FGG: variants seen among roughly 807,000 people sequenced by gnomAD.
The protein encoded by FGG is fibrinogen gamma chain, also known as fibrinogen, gamma polypeptide.
In FGG, 20 loss-of-function variants were observed where a neutral mutation model predicts 51.7. The observed-to-expected ratio is 0.39, with a 90% CI of 0.27 to 0.56. The LOEUF is 0.56. FGG is among the 20% of genes least tolerant of loss of function. FGG has a pLI of 0.64. For synonymous variants in FGG, 184 were observed against 184.7 expected (o/e 1.00, Z 0.03); for missense variants, 460 against 534.2 (o/e 0.86, Z 1.37).
At chr4:154,604,145 G>T (rs1731050832), downstream of FGG, 1 of 454,974 alleles carries the variant, frequency 2.2e-6, no homozygotes, top group Non-Finnish European at 3.9e-6. Flanking sequence ...CTAGTCTTAG[G>T]AAACAAAAGG....
At chr4:154,607,919 A>C (rs1385599591) in intron 7 of FGG, among the ~76,000 whole-genome samples, 1 of 152,190 alleles carries the variant, frequency 6.6e-6, no homozygotes, top group East Asian at 1.9e-4. Flanking sequence ...TAGATCATCA[A>C]AAGAGCTAGC....
At chr4:154,608,106 G>C (rs191024340) in intron 7 of FGG, among the ~76,000 whole-genome samples, 2 of 152,250 alleles carry the variant, frequency 1.3e-5, no homozygotes, top group East Asian at 3.9e-4. Flanking sequence ...ATGTGACTTT[G>C]AGCAAGTTAA....
At position 154,604,419 on chromosome 4, in the gene FGG, G is replaced by T. The variant is rs1253265698; in HGVS notation, c.*415C>A. 1 of 1,345,106 alleles carries T rather than the reference G, an allele frequency of 7.4e-7. No individual in the cohort carries two copies. Among genetic ancestry groups the T allele is most frequent in the African/African-American group, 1.5e-5 (1 of 65,376 alleles). The allele number at this position is 1,345,106 out of a possible 1,614,324, so 83.3% of individuals were successfully genotyped here. ...CATAATTTTCTCCATTTAAAAAGAA[G>T]AATTAAATAGGAATGATTTAGGGGT... On this transcript the variant is annotated 3_prime_UTR_variant, in exon 9 of 9. Coordinates refer to ENST00000336098, the MANE Select transcript of FGG (RefSeq NM_021870.3).
chr4:154,605,669 T>C (rs926408060), intron 8 of FGG, among the ~76,000 whole-genome samples: 2 of 152,158 alleles, frequency 1.3e-5, no homozygotes, highest in African/African-American at 4.8e-5. Flanking sequence ...TCAAGCATTT[T>C]CCCTTAGAGT....
At chr4:154,609,174 T>A (rs914256876) in intron 6 of FGG, among the ~76,000 whole-genome samples, 2 of 148,224 alleles carry the variant, frequency 1.3e-5, no homozygotes, top group Non-Finnish European at 3.0e-5. Flanking sequence ...CCCAAGTGTA[T>A]CCTCTGGTGT....
intron 6 of FGG, among the ~76,000 whole-genome samples, 169 bp from the exon 7 acceptor site, chr4:154,608,819 A>T (rs1250321130): frequency 5.3e-5 from 8 of 152,192 alleles, no homozygotes; most frequent in Admixed American, 6.5e-5. Context: ...AGGAAAAATG[A>T]TGGTTACTTC....
At chr4:154,607,015 G>GCACATCAC (rs749760235) in intron 7 of FGG, 33 bp from the exon 8 acceptor site, 3 of 1,539,048 alleles carry the variant, frequency 1.9e-6, no homozygotes, top group Non-Finnish European at 2.6e-6. Flanking sequence ...ATCACATGCT[G>GCACATCAC]ACCCTCCTCA....
intron 7 of FGG, among the ~76,000 whole-genome samples, 175 bp downstream of exon 7, chr4:154,608,291 T>A (rs769234642): frequency 6.6e-6 from 1 of 152,202 alleles, no homozygotes; most frequent in Non-Finnish European, 1.5e-5. Context: ...TCATCCTGAA[T>A]AGAATTTACC....
In FGG at chr4:154,608,533, T is replaced by C; in HGVS notation, c.784A>G (p.Ile262Val). ...FWLGNEKIHL[I>V]STQSAIPYAL... ...TATGGGATGGCAGACTGTGTGCTTA[T>C]CAAATGAATCTTCTCATTTCCCAGC... The change falls in exon 7 of 9, where the codon ATA becomes GTA. Residue 262 changes from isoleucine to valine, a missense_variant. Ile to Val is a conservative substitution (Grantham distance 29, BLOSUM62 3). Around this residue, in one of 3 missense-constraint regions of FGG, gnomAD observed 353 missense variants for 391.7 expected, o/e 0.90. Coordinates refer to ENST00000336098, the MANE Select transcript of FGG (RefSeq NM_021870.3). 6.2e-7 allele frequency: 1 copy of C among 1,613,814 alleles called. No individual in the cohort carries two copies. Among genetic ancestry groups the C allele is most frequent in the Non-Finnish European group, 8.5e-7 (1 of 1,179,832 alleles).
Position 154,610,077 on chromosome 4 carries a change from G to A in FGG, c.522C>T (p.Ile174=). Residue 174 remains isoleucine (I), a synonymous_variant, in exon 5 of 9, where the codon ATC becomes ATT. Coordinates refer to ENST00000336098, the MANE Select transcript of FGG (RefSeq NM_021870.3). Reference sequence around the variant, plus strand: ...ACCTTCATCAGTTACCTTTCCCAGTGATATCATGGATTTGCACCGTGTCTT... The same window carrying A: ...ACCTTCATCAGTTACCTTTCCCAGTAATATCATGGATTTGCACCGTGTCTT... The part of the protein sequence containing the change: ...PCKDTVQIHD[I]TGKDCQDIAN... The A allele has an allele frequency of 6.2e-7, 1 of 1,613,710 alleles. No homozygotes were observed. The highest frequency in any genetic ancestry group is 8.5e-7 in the Non-Finnish European group (1 of 1,179,796).
chr4:154,612,505 A>G lies in FGG; in HGVS notation c.78+27T>C, dbSNP rs201446839. ...TTTATTTTCCAGCTTTCCATTTTAA[A>G]CAACGTTTTGTGAAGAGCACACTTA... is the stretch of plus-strand genomic sequence containing the variant. On this transcript the variant is annotated intron_variant, in intron 1 of 8. Coordinates refer to ENST00000336098, the MANE Select transcript of FGG (RefSeq NM_021870.3). The G allele has an allele frequency of 1.7e-4, 274 of 1,613,926 alleles. No individual in the cohort carries two copies. In the Middle Eastern group the frequency reaches 2.1e-3, roughly 13 times the overall value.
chr4:154,612,248 A>T, intron 2 of FGG, 47 bp from the exon 3 acceptor site: 1 of 1,599,792 alleles, frequency 6.3e-7, no homozygotes, highest in Non-Finnish European at 8.6e-7. Flanking sequence ...GCTACTCTTA[A>T]AATCTATTAA....
At position 154,612,424 on chromosome 4, in the gene FGG, G is replaced by C. The variant is rs1320084671; in HGVS notation, c.90C>G (p.Thr30=). The C allele has an allele frequency of 1.2e-6, 2 of 1,613,602 alleles. No individual in the cohort carries two copies. Among genetic ancestry groups the C allele is most frequent in the African/African-American group, 2.7e-5 (2 of 74,856 alleles). The change falls in exon 2 of 9, where the codon ACC becomes ACG. Residue 30 remains threonine (T), a synonymous_variant. Coordinates refer to ENST00000336098, the MANE Select transcript of FGG (RefSeq NM_021870.3). ...LSSTCVAYVA[T]RDNCCILDER... ...CATCTAAGATGCAGCAGTTGTCTCT[G>C]GTAGCAACATACTAAAAGAGAAAAA...
At chr4:154,607,014 T>TCCTCA (rs778281890) in intron 7 of FGG, 32 bp from the exon 8 acceptor site, 3 of 1,541,068 alleles carry the variant, frequency 1.9e-6, no homozygotes, top group Non-Finnish European at 2.6e-6. Context: ...CATCACATGC[T>TCCTCA]GACCCTCCTC....
chr4:154,612,337 TCCTCTGCC>T, intron 2 of FGG, 46 bp downstream of exon 2: 1 of 1,597,308 alleles, frequency 6.3e-7, no homozygotes, highest in Non-Finnish European at 8.6e-7. Context: ...TTATTTCTAT[TCCTCTGCC>T]CCTCTCCAGT....
At chr4:154,605,193 G>A in intron 8 of FGG, 127 bp from the exon 9 acceptor site, 1 of 859,974 alleles carries the variant, frequency 1.2e-6, no homozygotes, top group South Asian at 1.6e-5. Context: ...TCTGCTAACT[G>A]AAAATATCTC....
At position 154,612,081 on chromosome 4, in the gene FGG, CT is replaced by C. The variant is rs1351079685; in HGVS notation, c.243del (p.Glu82LysfsTer5). 1 of 1,612,860 alleles carries C rather than the reference CT, an allele frequency of 6.2e-7. No individual in the cohort carries two copies. Among genetic ancestry groups the C allele is most frequent in the South Asian group, 1.1e-5 (1 of 91,002 alleles). On this transcript the variant is annotated frameshift_variant, in exon 3 of 9. Transcript: ENST00000336098. LOFTEE classifies it high-confidence loss of function. ...ATTGCTTTTATCAGCTGTTTGACTTCTGATGTTTTGTTTTCAACTTGATGTA... is the reference window on the plus strand; with the variant it reads ...ATTGCTTTTATCAGCTGTTTGACTTCGATGTTTTGTTTTCAACTTGATGTA... ...DILHQVENKT[S>X]EVKQLIKAIQ... is the part of the protein sequence containing the mutation.
chr4:154,607,633 G>A (rs1461947930), intron 7 of FGG, among the ~76,000 whole-genome samples: 1 of 152,012 alleles, frequency 6.6e-6, no homozygotes, highest in Non-Finnish European at 1.5e-5. Context: ...GGAAAGGATG[G>A]GCCTTAATGA....
At chr4:154,606,478 A>C (rs1250669012) in intron 8 of FGG, among the ~76,000 whole-genome samples, 1 of 152,182 alleles carries the variant, frequency 6.6e-6, no homozygotes, top group Non-Finnish European at 1.5e-5. Flanking sequence ...ATAATGCCAA[A>C]CTACTGGATA....
Sources: allele counts gnomAD v4.1 joint callset (sites outside exome capture counted in the v4.1 genomes callset), GRCh38; gene constraint gnomAD v4.1.1; regional missense constraint gnomAD v4.1.1; transcripts MANE v1.5; gene names NCBI Gene and HGNC (gene_info 2026-07-23, HGNC 2026-07-21).